The following CLVS1 variants were observed in gnomAD, a reference collection of about 807,000 sequenced individuals.
CLVS1 encodes the protein clavesin 1, also known as clavesin-1.
A neutral mutation model predicts 33.1 loss-of-function variants in CLVS1; 10 were observed. That is an observed-to-expected ratio of 0.30 (90% CI 0.19 to 0.51). The LOEUF (loss-of-function observed/expected upper bound fraction) is 0.51. CLVS1 is among the 20% of genes least tolerant of loss of function. The pLI, the probability that CLVS1 is intolerant of heterozygous loss-of-function variation, is 0.97. For synonymous variants in CLVS1, 163 were observed against 166.1 expected (o/e 0.98, Z 0.14); for missense variants, 343 against 433.4 (o/e 0.79, Z 1.85).
intron 2 of CLVS1, among the ~76,000 whole-genome samples, chr8:61,368,828 TTAA>T (rs1202882019): frequency 1.3e-5 from 2 of 152,238 alleles, no homozygotes; most frequent in African/African-American, 4.8e-5. Flanking sequence ...TGAATTACAA[TTAA>T]TAATAAGTTA....
chr8:61,483,983 A>G (rs1404872141), intron 5 of CLVS1, among the ~76,000 whole-genome samples: 1 of 152,242 alleles, frequency 6.6e-6, no homozygotes, highest in Admixed American at 6.5e-5. Context: ...CACAGCCAAT[A>G]TCATACTGAA....
At chr8:61,340,193 T>C (rs1317738086) in intron 2 of CLVS1, among the ~76,000 whole-genome samples, 1 of 152,160 alleles carries the variant, frequency 6.6e-6, no homozygotes, top group Non-Finnish European at 1.5e-5. Flanking sequence ...GCACATGTAG[T>C]TTTTATGGTG....
In CLVS1 at chr8:61,499,421, T is replaced by C. The variant is rs369614253; in HGVS notation, c.978-34T>C. ...TCCAAAATTGTCACCATGAATTGTT[T>C]GTAATTCTGTCTTTTTCCCTCCCCT... On this transcript the variant is annotated intron_variant, in intron 5 of 5. Coordinates refer to ENST00000325897, the MANE Select transcript of CLVS1 (RefSeq NM_173519.3). 2.4e-5 allele frequency: 35 copies of C among 1,481,010 alleles called. No individual in the cohort carries two copies. In the African/African-American group the frequency reaches 4.3e-4, roughly 18 times the overall value. The allele number at this position is 1,481,010 out of a possible 1,614,324, so 91.7% of individuals were successfully genotyped here. A position where few individuals can be genotyped will look rare whatever the true frequency, so the allele number is the denominator to read the frequency against.
chr8:61,296,360 A>C (rs1344235636), intron 1 of CLVS1, among the ~76,000 whole-genome samples: 1 of 152,204 alleles, frequency 6.6e-6, no homozygotes, highest in Non-Finnish European at 1.5e-5. Flanking sequence ...GGCCATGAAA[A>C]ATGCAACCTC....
chr8:61,204,160 G>T (rs1384554580), intron 2 of CLVS1, among the ~76,000 whole-genome samples: 1 of 152,126 alleles, frequency 6.6e-6, no homozygotes, highest in African/African-American at 2.4e-5. Context: ...TGCTGGATTT[G>T]CTCAGCATAA....
At chr8:61,373,654 C>T (rs1813528055) in intron 2 of CLVS1, among the ~76,000 whole-genome samples, 1 of 152,218 alleles carries the variant, frequency 6.6e-6, no homozygotes, top group Non-Finnish European at 1.5e-5. Context: ...CCACAACCCC[C>T]AAAAGAGTAT....
chr8:61,241,775 G>A (rs1015854525), intron 2 of CLVS1, among the ~76,000 whole-genome samples: 4 of 152,158 alleles, frequency 2.6e-5, no homozygotes, highest in South Asian at 2.1e-4. Flanking sequence ...TTATTTCTAA[G>A]ATCTGAGTTT....
rs905053991 is a variant in CLVS1 at position 61,270,167 on chromosome 8, T to C, written c.-151-29510T>C. 5.5e-4 allele frequency among the ~76,000 whole-genome samples: 83 copies of C among 152,282 alleles called. 1 individual carries two copies. The highest frequency in any genetic ancestry group is 3.1e-3 in the Admixed American group (48 of 15,296). ...CTGTGGGTTTGTCGTAGATAGCTCT[T>C]ATTATTTTGAAATACGTCCCATCAG... On this transcript the variant is annotated intron_variant, in intron 2 of 2. Coordinates refer to the CLVS1 transcript ENST00000522621.
intron 2 of CLVS1, among the ~76,000 whole-genome samples, chr8:61,260,508 CT>C (rs1218967078): frequency 1.3e-5 from 2 of 152,218 alleles, no homozygotes; most frequent in East Asian, 3.8e-4. Flanking sequence ...ACATTTACCC[CT>C]CTCTCCATCT....
At position 61,163,852 on chromosome 8, in the gene CLVS1, G is replaced by A. The variant is rs145784803; in HGVS notation, c.-152+31992G>A. 4.0e-3 allele frequency among the ~76,000 whole-genome samples: 607 copies of A among 152,302 alleles called. 3 individuals carry two copies. Among genetic ancestry groups the A allele is most frequent in the Admixed American group, 9.6e-3 (147 of 15,296 alleles). Reference sequence around the variant, plus strand: ...CAGCAGACACAGATCTGGAGGGGTGGAAGTCAATGGCGTGTCTGCCATGGC... The same window carrying A: ...CAGCAGACACAGATCTGGAGGGGTGAAAGTCAATGGCGTGTCTGCCATGGC... On this transcript the variant is annotated intron_variant, in intron 2 of 2. Transcript: ENST00000522621.
chr8:61,477,134 C>T (rs1817973358), intron 5 of CLVS1, among the ~76,000 whole-genome samples: 1 of 152,124 alleles, frequency 6.6e-6, no homozygotes, highest in African/African-American at 2.4e-5. Context: ...GCCTTGCATC[C>T]CACGGATGAA....
At chr8:60,971,779 A>T in the CLVS1 span, among the ~76,000 whole-genome samples, 1 of 152,194 alleles carries the variant, frequency 6.6e-6, no homozygotes, top group Non-Finnish European at 1.5e-5. Flanking sequence ...GGCTGCCAGC[A>T]TTCTGAGAAC....
intron 3 of CLVS1, among the ~76,000 whole-genome samples, chr8:61,399,799 C>T (rs1814677055): frequency 6.6e-6 from 1 of 152,150 alleles, no homozygotes; most frequent in Non-Finnish European, 1.5e-5. Flanking sequence ...GGAATCCTTT[C>T]CCCATTGCTT....
chr8:61,277,383 G>A (rs890923406), intron 2 of CLVS1, among the ~76,000 whole-genome samples: 1 of 152,192 alleles, frequency 6.6e-6, no homozygotes, highest in Non-Finnish European at 1.5e-5. Flanking sequence ...TGCTTCCTGA[G>A]GGTGCCTGAG....
intron 2 of CLVS1, among the ~76,000 whole-genome samples, chr8:61,198,632 G>A (rs1048820905): frequency 1.3e-5 from 2 of 152,084 alleles, no homozygotes; most frequent in African/African-American, 2.4e-5. Flanking sequence ...CACCCGCCTC[G>A]GCCTCCCAAA....
chr8:61,379,240 G>A (rs1168394629), intron 3 of CLVS1, among the ~76,000 whole-genome samples: 1 of 152,158 alleles, frequency 6.6e-6, no homozygotes, highest in Non-Finnish European at 1.5e-5. Flanking sequence ...CTTGTCAGGG[G>A]AAATAAGCAG....
Position 61,057,371 on chromosome 8 carries a change from C to T in CLVS1, c.-243+141C>T, listed in dbSNP as rs1367891252. The T allele has an allele frequency of 1.1e-4, 3 of 26,918 alleles. 1 individual carries two copies. Among genetic ancestry groups the T allele is most frequent in the Admixed American group, 7.1e-4 (2 of 2,798 alleles). The allele number at this position is 26,918 out of a possible 1,614,324, so 1.7% of individuals were successfully genotyped here. A position where few individuals can be genotyped will look rare whatever the true frequency, so the allele number is the denominator to read the frequency against. ...CTGGCTAAGCTTAGCACACTTCACA[C>T]ACACACACACACACACACACACACA... is the stretch of plus-strand genomic sequence containing the variant. On this transcript the variant is annotated intron_variant, in intron 1 of 2. Coordinates refer to the CLVS1 transcript ENST00000522621.
intron 2 of CLVS1, among the ~76,000 whole-genome samples, chr8:61,132,606 C>T (rs1806121104): frequency 6.6e-6 from 1 of 152,200 alleles, no homozygotes; most frequent in Admixed American, 6.5e-5. Flanking sequence ...GGCATTTCCC[C>T]TTCTGTGTGG....
the CLVS1 span, among the ~76,000 whole-genome samples, chr8:61,039,355 GC>G: frequency 6.6e-6 from 1 of 152,092 alleles, no homozygotes; most frequent in South Asian, 2.1e-4. Context: ...AATGGGTTGA[GC>G]CCCGCAATTT....
Sources: gnomAD v4.1 joint callset for allele counts (sites outside exome capture counted in the v4.1 genomes callset) on GRCh38, gnomAD v4.1.1 for gene constraint, MANE v1.5 for transcripts, NCBI Gene and HGNC (gene_info 2026-07-23, HGNC 2026-07-21) for gene names.